SLCO1B1: variants seen among roughly 807,000 people sequenced by gnomAD.
SLCO1B1 encodes OATP-2.
A neutral mutation model predicts 70.1 loss-of-function variants in SLCO1B1; 81 were observed. The observed-to-expected ratio is 1.16, with a 90% CI of 0.97 to 1.39. The LOEUF (loss-of-function observed/expected upper bound fraction) is 1.39. Ranked by LOEUF, SLCO1B1 falls within the 40% of genes most tolerant of loss-of-function variation. The probability of loss-of-function intolerance (pLI) is 0.00; values close to 1 mark genes in which losing one functional copy is unlikely to be tolerated. For synonymous variants in SLCO1B1, 283 were observed against 271.5 expected, an observed-to-expected ratio of 1.04 and a Z score of -0.42; for missense variants, 895 against 799.6, an observed-to-expected ratio of 1.12 and a Z score of -1.44.
chr12:21,178,473 T>TAA, intron 5 of SLCO1B1, 103 bp from the exon 6 acceptor site: 1 of 819,268 alleles, frequency 1.2e-6, no homozygotes, highest in Non-Finnish European at 2.0e-6. Flanking sequence ...ACTTGTAAAT[T>TAA]AAAAAAAAAT....
intron 14 of SLCO1B1, among the ~76,000 whole-genome samples, chr12:21,235,396 T>C (rs529922576): frequency 3.4e-4 from 52 of 151,064 alleles, no homozygotes; most frequent in Middle Eastern, 3.4e-3. Flanking sequence ...ATTTGAAAGA[T>C]AGATCTTTCT....
At chr12:21,190,143 G>T (rs577913851) in intron 7 of SLCO1B1, among the ~76,000 whole-genome samples, 8 of 152,140 alleles carry the variant, frequency 5.3e-5, no homozygotes, top group African/African-American at 1.7e-4. Context: ...CAGAGCACAA[G>T]AAATAGGTAT....
At position 21,200,594 on chromosome 12, in the gene SLCO1B1, A is replaced by T. The variant is rs963418919; in HGVS notation, c.1057A>T (p.Ile353Phe). Residue 353 changes from isoleucine (I) to phenylalanine (F), a missense_variant, in exon 9 of 15, where the codon ATT (isoleucine) becomes TTT (phenylalanine). Coordinates refer to ENST00000256958, the MANE Select transcript of SLCO1B1 (RefSeq NM_006446.5). ...GACGTTGTTACAAGTAAGCAGCTAT[A>T]TTGGTGCTTTTACTTATGTCTTCAA... ...LLTLLQVSSY[I>F]GAFTYVFKYV... 2.5e-6 allele frequency: 4 copies of T among 1,611,992 alleles called. No homozygotes were observed. The highest frequency in any genetic ancestry group is 3.3e-5 in the Admixed American group (2 of 59,838).
At chr12:21,208,007 G>C (rs1361341715) in intron 11 of SLCO1B1, among the ~76,000 whole-genome samples, 1 of 151,692 alleles carries the variant, frequency 6.6e-6, no homozygotes, top group African/African-American at 2.4e-5. Context: ...TTTGCTTGTT[G>C]AATTGTTCAA....
intron 14 of SLCO1B1, among the ~76,000 whole-genome samples, chr12:21,231,967 T>G (rs1039546148): frequency 1.1e-4 from 16 of 152,136 alleles, no homozygotes; most frequent in Admixed American, 3.3e-4. Flanking sequence ...TAAATAAGCC[T>G]TAACTGAGGT....
At chr12:21,144,919 A>G (rs145776788) in intron 2 of SLCO1B1, among the ~76,000 whole-genome samples, 28 of 152,316 alleles carry the variant, frequency 1.8e-4, no homozygotes, top group African/African-American at 6.5e-4. Flanking sequence ...GGAGTCCTAA[A>G]CATGGAAATG....
At chr12:21,230,419 T>C (rs11045881) in intron 14 of SLCO1B1, among the ~76,000 whole-genome samples, 51,187 of 148,672 alleles carry the variant, frequency 0.34, 9,075 homozygotes, top group East Asian at 0.46. Context: ...CAACCTCCGC[T>C]TCCCAGGTTC....
intron 4 of SLCO1B1, 79 bp from the exon 5 acceptor site, chr12:21,176,697 A>T (rs754179570): frequency 7.0e-5 from 79 of 1,122,996 alleles, no homozygotes; most frequent in Non-Finnish European, 9.3e-5. Flanking sequence ...AATAAAGGGG[A>T]ATATTTCTCT....
At chr12:21,142,358 A>ATTTCT (rs1555175607) in intron 2 of SLCO1B1, among the ~76,000 whole-genome samples, 7 of 152,014 alleles carry the variant, frequency 4.6e-5, no homozygotes, top group Non-Finnish European at 4.4e-5. Flanking sequence ...AAGACTCAGA[A>ATTTCT]AAGTTAAGAA....
intron 4 of SLCO1B1, among the ~76,000 whole-genome samples, chr12:21,176,036 A>C (rs1164812915): frequency 3.3e-5 from 5 of 151,936 alleles, no homozygotes; most frequent in Admixed American, 2.6e-4. Flanking sequence ...TCTCATGTTG[A>C]TGTCTTCTCT....
intron 4 of SLCO1B1, among the ~76,000 whole-genome samples, chr12:21,175,094 G>T (rs1449151242): frequency 6.6e-6 from 1 of 152,054 alleles, no homozygotes; most frequent in Admixed American, 6.6e-5. Context: ...TATTCCTAAG[G>T]TCACTGTGTA....
At chr12:21,226,129 T>A (rs950919496) in intron 14 of SLCO1B1, among the ~76,000 whole-genome samples, 2 of 152,116 alleles carry the variant, frequency 1.3e-5, no homozygotes, top group Non-Finnish European at 2.9e-5. Context: ...TAAAGAAGCT[T>A]CTGGGCCTGG....
Position 21,205,944 on chromosome 12 carries a change from T to C in SLCO1B1, c.1408T>C (p.Trp470Arg), listed in dbSNP as rs868251071. ...NSDCNCDESQ[W>R]EPVCGNNGIT... ...AGACTGCAATTGTGATGAAAGTCAA[T>C]GGGAACCAGTCTGTGGAAACAATGG... is the stretch of plus-strand genomic sequence containing the variant. The change falls in exon 11 of 15, where the codon TGG becomes CGG. Residue 470 changes from tryptophan (W) to arginine (R), a missense_variant. Coordinates refer to ENST00000256958, the MANE Select transcript of SLCO1B1 (RefSeq NM_006446.5). The C allele has an allele frequency of 1.1e-5, 17 of 1,611,842 alleles. No individual in the cohort carries two copies. In the African/African-American group the frequency reaches 1.6e-4, roughly 15 times the overall value.
intron 14 of SLCO1B1, among the ~76,000 whole-genome samples, chr12:21,229,194 A>G (rs1941509376): frequency 6.6e-6 from 1 of 152,118 alleles, no homozygotes; most frequent in Non-Finnish European, 1.5e-5. Context: ...ATGTCTCCCA[A>G]CAAAGGGTGA....
intron 10 of SLCO1B1, 100 bp from the exon 11 acceptor site, chr12:21,205,768 C>T (rs936030304): frequency 1.4e-5 from 12 of 835,890 alleles, no homozygotes; most frequent in South Asian, 4.0e-5. Flanking sequence ...CTTTTTTTCC[C>T]TCTTTCTCTG....
chr12:21,198,062 T>C (rs1419135076), intron 8 of SLCO1B1, among the ~76,000 whole-genome samples: 2 of 152,162 alleles, frequency 1.3e-5, no homozygotes, highest in African/African-American at 4.8e-5. Context: ...AGCATCTTTT[T>C]CAAGTTTTCT....
At chr12:21,178,771 C>T (rs1457454531) in intron 6 of SLCO1B1, 49 bp downstream of exon 6, 1 of 1,532,444 alleles carries the variant, frequency 6.5e-7, no homozygotes, top group East Asian at 2.3e-5. Context: ...CCTTTGTCTA[C>T]TTTTGAAATA....
At chr12:21,213,193 T>C (rs766465919) in intron 11 of SLCO1B1, among the ~76,000 whole-genome samples, 3,919 of 152,100 alleles carry the variant, frequency 0.026, 80 homozygotes, top group African/African-American at 0.058. Context: ...GATTTTGCAG[T>C]GGCTGGTACC....
intron 3 of SLCO1B1, among the ~76,000 whole-genome samples, chr12:21,174,277 C>T (rs1940791742): frequency 1.3e-5 from 2 of 152,098 alleles, no homozygotes; most frequent in Admixed American, 1.3e-4. Flanking sequence ...GCACCTTACC[C>T]TCATCAGGAA....
Sources: allele counts gnomAD v4.1 joint callset (sites outside exome capture counted in the v4.1 genomes callset), GRCh38; gene constraint gnomAD v4.1.1; transcripts MANE v1.5; gene names NCBI Gene and HGNC (gene_info 2026-07-23, HGNC 2026-07-21).